Variants in AIRE observed in about 807,000 individuals in gnomAD.
The protein encoded by AIRE is autoimmune polyendocrinopathy candidiasis ectodermal dystrophy protein.
A neutral mutation model predicts 62.1 loss-of-function variants in AIRE; 52 were observed. The ratio of observed to expected loss-of-function variants is 0.84; its 90% CI spans 0.67 to 1.06. The LOEUF (loss-of-function observed/expected upper bound fraction) is 1.06. Ranked by LOEUF, AIRE falls within the 50% of genes least tolerant of loss-of-function variation. The pLI is 0.00. For missense variants in AIRE, 774 were observed against 755.8 expected (o/e 1.02, Z -0.28); for synonymous variants, 342 against 321.6 (o/e 1.06, Z -0.68).
chr21:44,286,073 G>A lies in AIRE; in HGVS notation c.67G>A (p.Asp23Asn), dbSNP rs975525470. The A allele has an allele frequency of 3.2e-6, 5 of 1,543,986 alleles. No individual in the cohort carries two copies. Among genetic ancestry groups the A allele is most frequent in the Non-Finnish European group, 3.5e-6 (4 of 1,146,296 alleles). The change falls in exon 1 of 14, where the codon GAC (aspartate) becomes AAC (asparagine). Residue 23 changes from aspartate (D) to asparagine (N), a missense_variant. Physicochemically the swap from Asp to Asn is conservative, Grantham distance 23. Coordinates refer to ENST00000291582, the MANE Select transcript of AIRE (RefSeq NM_000383.4). The surrounding 1 kb of genome is among the most constrained non-coding windows in gnomAD (Gnocchi z 6.0). Reference protein sequence around the residue: ...LHRTEIAVAVDSAFPLLHALA... With the variant: ...LHRTEIAVAVNSAFPLLHALA... ...CCGCACGGAGATCGCGGTGGCCGTG[G>A]ACAGCGCCTTCCCACTGCTGCACGC...
rs1446658664 is a variant in AIRE, at chr21:44,288,374, A to G, written c.568A>G (p.Arg190Gly). ...GIQTMSASVQ[R>G]AVAMSSGDVP... ...TCAGACCATGTCAGCTTCAGTCCAG[A>G]GAGCTGTGGCCATGTCCTCCGGGGA... The change falls in exon 5 of 14, where the codon AGA becomes GGA. Residue 190 changes from arginine to glycine, a missense_variant. By Grantham distance (125) the Arg-to-Gly change is moderately radical (BLOSUM62 -2). Coordinates refer to ENST00000291582, the MANE Select transcript of AIRE (RefSeq NM_000383.4). The G allele has an allele frequency of 6.2e-7, 1 of 1,612,122 alleles. No homozygotes were observed. Among genetic ancestry groups the G allele is most frequent in the East Asian group, 2.2e-5 (1 of 44,894 alleles).
Position 44,289,972 on chromosome 21 carries a change from C to A in AIRE, c.799-16C>A. ...GCTGAGGCTGCCCCCATTGCTGACG[C>A]CCCTCTTCCTTGCAGGGTGGAGGTG... On this transcript the variant is annotated splice_polypyrimidine_tract_variant and intron_variant, in intron 6 of 13. Coordinates refer to ENST00000291582, the MANE Select transcript of AIRE (RefSeq NM_000383.4). 4 of 1,609,978 alleles carry A rather than the reference C, an allele frequency of 2.5e-6. No homozygotes were observed. Among genetic ancestry groups the A allele is most frequent in the Non-Finnish European group, 3.4e-6 (4 of 1,178,790 alleles).
Position 44,287,204 on chromosome 21 carries a change from C to A in AIRE, c.463+71C>A. On this transcript the variant is annotated intron_variant, in intron 3 of 13. Transcript: ENST00000291582. This position sits in a 1 kb window ranked among gnomAD's most constrained non-coding sequence, Gnocchi z 4.3. ...GGGCTTCCCCGGGAGCCCACGCCCC[C>A]TCCCCACCCGGGCTCCCACCCACTG... 6.3e-7 allele frequency: 1 copy of A among 1,580,176 alleles called. No homozygotes were observed. Among genetic ancestry groups the A allele is most frequent in the East Asian group, 2.3e-5 (1 of 44,106 alleles).
Position 44,291,092 on chromosome 21 carries a change from C to G in AIRE, c.880-3C>G. On this transcript the variant is annotated splice_region_variant and splice_polypyrimidine_tract_variant and intron_variant, in intron 7 of 13. Coordinates refer to ENST00000291582, the MANE Select transcript of AIRE (RefSeq NM_000383.4). ...CTGCATGGGCGTCTCTTGCCTGTGC[C>G]AGAAGAATGAGGACGAGTGTGCCGT... 6.2e-7 allele frequency: 1 copy of G among 1,613,086 alleles called. No homozygotes were observed. The highest frequency in any genetic ancestry group is 8.5e-7 in the Non-Finnish European group (1 of 1,179,792).
chr21:44,290,513 G>T, intron 7 of AIRE: 1 of 909,900 alleles, frequency 1.1e-6, no homozygotes, highest in Non-Finnish European at 1.3e-6. Flanking sequence ...GCTCTGTGGG[G>T]CCCTGGCACT....
intron 11 of AIRE, 134 bp downstream of exon 11, chr21:44,294,044 C>T: frequency 8.2e-7 from 1 of 1,215,034 alleles, no homozygotes; most frequent in Non-Finnish European, 1.1e-6. Flanking sequence ...ACACCTTGCA[C>T]CCCACCCCAC....
chr21:44,296,829 G>C (rs908124605), intron 13 of AIRE, among the ~76,000 whole-genome samples: 1 of 151,888 alleles, frequency 6.6e-6, no homozygotes, highest in South Asian at 2.1e-4. Context: ...GTGGGAGTGG[G>C]GGGGGGGTCC....
chr21:44,289,195 C>T, intron 5 of AIRE: 1 of 188,390 alleles, frequency 5.3e-6, no homozygotes, highest in Non-Finnish European at 1.1e-5. Flanking sequence ...CCTCTGGAGG[C>T]TCCAGGGAAG....
Position 44,286,612 on chromosome 21 carries a change from T to A in AIRE, c.188T>A (p.Leu63Gln). The change falls in exon 2 of 14, where the codon CTG (leucine) becomes CAG (glutamine). Residue 63 changes from leucine to glutamine, a missense_variant. Physicochemically the swap from Leu to Gln is moderately radical, Grantham distance 113 (BLOSUM62 -2). This residue lies in a region of AIRE where 385 missense variants were observed against 396.0 expected (regional missense o/e 0.97). Coordinates refer to ENST00000291582, the MANE Select transcript of AIRE (RefSeq NM_000383.4). The surrounding 1 kb of genome is among the most constrained non-coding windows in gnomAD (Gnocchi z 6.0). ...EGCPQAFHAL[L>Q]SWLLTQDSTA... ...TGCCCCCAGGCCTTCCACGCCCTCCTGTCCTGGCTGCTGACCCAGGACTCC... is the reference window on the plus strand; with the variant it reads ...TGCCCCCAGGCCTTCCACGCCCTCCAGTCCTGGCTGCTGACCCAGGACTCC... 6.2e-7 allele frequency: 1 copy of A among 1,612,886 alleles called. No homozygotes were observed. The highest frequency in any genetic ancestry group is 8.5e-7 in the Non-Finnish European group (1 of 1,179,932).
At chr21:44,296,342 T>A in intron 12 of AIRE, 41 bp from the exon 13 acceptor site, 1 of 1,560,654 alleles carries the variant, frequency 6.4e-7, no homozygotes. Flanking sequence ...CCACCAGGGC[T>A]GTGGGAGTTG....
intron 13 of AIRE, 73 bp downstream of exon 13, chr21:44,296,518 A>G: frequency 7.2e-7 from 1 of 1,387,814 alleles, no homozygotes. Flanking sequence ...CAGGCTCCCC[A>G]CTCTGGGGGA....
chr21:44,292,695 T>C (rs1266249522), intron 9 of AIRE, among the ~76,000 whole-genome samples: 1 of 152,164 alleles, frequency 6.6e-6, no homozygotes, highest in Non-Finnish European at 1.5e-5. Flanking sequence ...CTTGTTCTGC[T>C]GCTGTGAGGG....
At position 44,297,622 on chromosome 21, in the gene AIRE, A is replaced by G. The variant is rs759077894; in HGVS notation, c.1567-34A>G. 2 of 1,571,432 alleles carry G rather than the reference A, an allele frequency of 1.3e-6. No individual in the cohort carries two copies. Among genetic ancestry groups the G allele is most frequent in the Non-Finnish European group, 1.7e-6 (2 of 1,145,232 alleles). On this transcript the variant is annotated intron_variant, in intron 13 of 13. Transcript: ENST00000291582. The surrounding 1 kb of genome is among the most constrained non-coding windows in gnomAD (Gnocchi z 4.8). ...GATTCTGTGGCTGCGGCGGGGGCGC[A>G]CCTGGAGGTTCTCACCGTCACTCTG...
intron 7 of AIRE, chr21:44,290,778 TG>T: frequency 1.4e-6 from 2 of 1,480,168 alleles, no homozygotes; most frequent in Non-Finnish European, 1.8e-6. Flanking sequence ...TCCCTGGGCC[TG>T]GCCCCACTGC....
Position 44,285,891 on chromosome 21 carries a change from C to T in AIRE, c.-116C>T. On this transcript the variant is annotated 5_prime_UTR_variant, in exon 1 of 14. Coordinates refer to ENST00000291582, the MANE Select transcript of AIRE (RefSeq NM_000383.4). The stretch of plus-strand genomic sequence containing the variant: ...CTCGCAGACCGGGGAGACGGGCGGG[C>T]GCACAGCCGGCGCGGAGGCCCCACA... 9.5e-7 allele frequency: 1 copy of T among 1,052,814 alleles called. No individual in the cohort carries two copies. The highest frequency in any genetic ancestry group is 1.3e-6 in the Non-Finnish European group (1 of 785,800). 65.2% of individuals were successfully genotyped at this position (1,052,814 alleles called of 1,614,324 possible).
chr21:44,293,927 G>T lies in AIRE; in HGVS notation c.1400+17G>T, dbSNP rs772820639. 13 of 1,595,680 alleles carry T rather than the reference G, an allele frequency of 8.1e-6. No homozygotes were observed. The highest frequency in any genetic ancestry group is 9.3e-6 in the Non-Finnish European group (11 of 1,179,230). On this transcript the variant is annotated intron_variant, in intron 11 of 13. Transcript: ENST00000291582. Reference sequence around the variant, plus strand: ...CCGGCCCGGGTGAGTGAGCGTGGTCGGCGGGGAGGCCTGAACCCACACCCA... The same window carrying T: ...CCGGCCCGGGTGAGTGAGCGTGGTCTGCGGGGAGGCCTGAACCCACACCCA...
intron 9 of AIRE, 57 bp from the exon 10 acceptor site, chr21:44,292,936 C>T: frequency 6.4e-7 from 1 of 1,552,676 alleles, no homozygotes; most frequent in African/African-American, 1.4e-5. Flanking sequence ...TCACTGACTC[C>T]TGGGTGGTGC....
At position 44,285,977 on chromosome 21, in the gene AIRE, G is replaced by A. The variant is rs927164748; in HGVS notation, c.-30G>A. ...CAGTGTCCCGGGACCCACCGCGTCCGCCCCAGCCCCGGGTCCCCGCGCCCA... is the reference window on the plus strand; with the variant it reads ...CAGTGTCCCGGGACCCACCGCGTCCACCCCAGCCCCGGGTCCCCGCGCCCA... On this transcript the variant is annotated 5_prime_UTR_variant, in exon 1 of 14. Transcript: ENST00000291582. The A allele has an allele frequency of 6.6e-7, 1 of 1,520,852 alleles. No homozygotes were observed. The highest frequency in any genetic ancestry group is 8.8e-7 in the Non-Finnish European group (1 of 1,139,280). 94.2% of individuals were successfully genotyped at this position (1,520,852 alleles called of 1,614,324 possible).
Position 44,286,202 on chromosome 21 carries a change from A to T in AIRE, c.132+64A>T. 6.9e-7 allele frequency: 1 copy of T among 1,452,292 alleles called. No individual in the cohort carries two copies. The highest frequency in any genetic ancestry group is 1.4e-5 in the African/African-American group (1 of 69,436). The allele number at this position is 1,452,292 out of a possible 1,614,324, so 90.0% of individuals were successfully genotyped here. A position where few individuals can be genotyped will look rare whatever the true frequency, so the allele number is the denominator to read the frequency against. On this transcript the variant is annotated intron_variant, in intron 1 of 13. Transcript: ENST00000291582. The surrounding 1 kb of genome is among the most constrained non-coding windows in gnomAD (Gnocchi z 6.0). ...GTGAGCCAGGGATAGTCCCCGGGGA[A>T]GTTCCAGGAGGACCCCGCCCCTCCA...
Sources: gnomAD v4.1 joint callset for allele counts (sites outside exome capture counted in the v4.1 genomes callset) on GRCh38, gnomAD v4.1.1 for gene constraint, gnomAD v4.1.1 regional missense constraint, Gnocchi (gnomAD v3.1) non-coding constraint, MANE v1.5 for transcripts, NCBI Gene and HGNC (gene_info 2026-07-23, HGNC 2026-07-21) for gene names.